The following CTNNA2 variants were observed in gnomAD, a reference collection of about 807,000 sequenced individuals.
The protein encoded by CTNNA2 is catenin alpha-2.
CTNNA2 carries 42 observed loss-of-function variants against 101.0 expected under a neutral mutation model. The observed-to-expected ratio is 0.42, with a 90% CI of 0.32 to 0.54. The LOEUF (loss-of-function observed/expected upper bound fraction) is 0.54. Among genes scored for constraint, CTNNA2 ranks in the 20% least tolerant of loss-of-function variants. CTNNA2 has a pLI of 0.14. For missense variants in CTNNA2, 871 were observed against 1,223.1 expected, an observed-to-expected ratio of 0.71 and a Z score of 4.29; for synonymous variants, 450 against 456.4, an observed-to-expected ratio of 0.99 and a Z score of 0.18.
chr2:79,472,051 G>C (rs1558675497), intron 4 of CTNNA2, among the ~76,000 whole-genome samples: 1 of 152,104 alleles, frequency 6.6e-6, no homozygotes, highest in East Asian at 1.9e-4. Context: ...TCAGATATGA[G>C]TGACACCCCA....
At chr2:80,546,086 T>C in intron 11 of CTNNA2, 23 bp downstream of exon 11, 1 of 1,611,970 alleles carries the variant, frequency 6.2e-7, no homozygotes, top group Non-Finnish European at 8.5e-7. Context: ...AACAGGTCCC[T>C]TACAAGGCAG....
intron 2 of CTNNA2, among the ~76,000 whole-genome samples, chr2:79,732,270 C>T (rs1412071934): frequency 1.3e-5 from 2 of 151,762 alleles, no homozygotes; most frequent in East Asian, 1.9e-4. Flanking sequence ...TGAGTTATTC[C>T]CAGGTCATTG....
chr2:80,390,560 A>T (rs189054778), intron 7 of CTNNA2, among the ~76,000 whole-genome samples: 4 of 152,310 alleles, frequency 2.6e-5, no homozygotes, highest in Non-Finnish European at 5.9e-5. Context: ...AATCTTGAAC[A>T]TGACTCTTTC....
intron 2 of CTNNA2, among the ~76,000 whole-genome samples, chr2:79,718,695 CA>C (rs1339378364): frequency 5.3e-5 from 8 of 152,032 alleles, no homozygotes; most frequent in African/African-American, 1.9e-4. Context: ...AAAGAGTAGC[CA>C]TCATATTTAT....
chr2:80,444,658 G>A (rs1682916450), intron 9 of CTNNA2, among the ~76,000 whole-genome samples: 2 of 152,300 alleles, frequency 1.3e-5, no homozygotes, highest in South Asian at 4.1e-4. Flanking sequence ...ATGAGGTCAT[G>A]AGGGTGGGGC....
At position 80,623,275 on chromosome 2, in the gene CTNNA2, A is replaced by G. The variant is rs540856449; in HGVS notation, c.2574+4047A>G. On this transcript the variant is annotated intron_variant, in intron 18 of 18. Coordinates refer to ENST00000402739, the MANE Select transcript of CTNNA2 (RefSeq NM_001282597.3). ...CATTCATAGAATTAGCATGGAAAAC[A>G]AGCACGTGAACTAGTAACTATGATG... 3.9e-5 allele frequency among the ~76,000 whole-genome samples: 6 copies of G among 151,984 alleles called. No individual in the cohort carries two copies. The South Asian group carries it at 1.0e-3, about 26-fold the overall frequency.
chr2:79,931,915 G>C (rs1383429734), intron 7 of CTNNA2, among the ~76,000 whole-genome samples: 1 of 152,176 alleles, frequency 6.6e-6, no homozygotes, highest in Non-Finnish European at 1.5e-5. Context: ...TCCTTACCCA[G>C]TCTTACTGCC....
intron 7 of CTNNA2, among the ~76,000 whole-genome samples, chr2:79,986,402 A>C (rs1691766246): frequency 6.6e-6 from 1 of 151,990 alleles, no homozygotes. Flanking sequence ...TGACATAGCA[A>C]TTGCTTTTTC....
rs1406889183 is a variant in CTNNA2, at chr2:79,557,793, A to G, written c.-6+44586A>G. On this transcript the variant is annotated intron_variant, in intron 1 of 18. Coordinates refer to ENST00000402739, the MANE Select transcript of CTNNA2 (RefSeq NM_001282597.3). ...AATTGGCTTCTCTGCAGATGTGTCT[A>G]CATAGGATTGGCTTCCTAAACTGGT... Among the ~76,000 whole-genome samples, 4 of 152,054 alleles carry G rather than the reference A, an allele frequency of 2.6e-5. No homozygotes were observed. The East Asian group carries it at 5.8e-4, about 22-fold the overall frequency.
At chr2:79,464,720 T>C (rs78873660) in intron 4 of CTNNA2, among the ~76,000 whole-genome samples, 53,343 of 152,110 alleles carry the variant, frequency 0.35, 9,662 homozygotes, top group East Asian at 0.59. Context: ...TGATTTGCAT[T>C]TCTTTGATGG....
intron 18 of CTNNA2, among the ~76,000 whole-genome samples, chr2:80,638,515 G>C (rs561741371): frequency 6.6e-6 from 1 of 152,280 alleles, no homozygotes; most frequent in South Asian, 2.1e-4. Context: ...GGACTACCTG[G>C]ATAAACAGGT....
chr2:80,643,739 T>G (rs1351813780), intron 18 of CTNNA2, among the ~76,000 whole-genome samples: 1 of 152,074 alleles, frequency 6.6e-6, no homozygotes, highest in Non-Finnish European at 1.5e-5. Flanking sequence ...TAAATGTGCT[T>G]CAGAATAATG....
At chr2:79,725,345 T>A (rs1686767363) in intron 2 of CTNNA2, among the ~76,000 whole-genome samples, 1 of 152,222 alleles carries the variant, frequency 6.6e-6, no homozygotes, top group African/African-American at 2.4e-5. Context: ...ATTCATTGAA[T>A]GTTACTTCCC....
chr2:80,122,749 G>T (rs1701909570), intron 7 of CTNNA2, among the ~76,000 whole-genome samples: 1 of 152,134 alleles, frequency 6.6e-6, no homozygotes, highest in African/African-American at 2.4e-5. Context: ...AAGTGTGTGT[G>T]TGCGCATGTG....
chr2:80,299,281 T>G (rs986377495), intron 7 of CTNNA2: 1 of 152,164 alleles, frequency 6.6e-6, no homozygotes, highest in Non-Finnish European at 1.5e-5. Context: ...GCTTAAAGAT[T>G]AATTAATTTG....
At chr2:79,436,554 CA>C (rs1426813201) in intron 4 of CTNNA2, among the ~76,000 whole-genome samples, 1 of 152,116 alleles carries the variant, frequency 6.6e-6, no homozygotes, top group Non-Finnish European at 1.5e-5. Flanking sequence ...GGCAGATTTT[CA>C]AAATCTCCTC....
At chr2:79,348,760 A>C (rs1420377664) in intron 3 of CTNNA2, among the ~76,000 whole-genome samples, 2 of 152,224 alleles carry the variant, frequency 1.3e-5, no homozygotes, top group Admixed American at 1.3e-4. Context: ...ATTTGCCTCC[A>C]TCTTCCCCTT....
intron 7 of CTNNA2, among the ~76,000 whole-genome samples, chr2:79,938,750 C>T (rs1687953642): frequency 6.6e-6 from 1 of 152,044 alleles, no homozygotes; most frequent in Admixed American, 6.6e-5. Context: ...CTTTAGGGCA[C>T]AATGTGTAGT....
At chr2:79,931,018 AT>A (rs375733775) in intron 7 of CTNNA2, among the ~76,000 whole-genome samples, 2,788 of 152,028 alleles carry the variant, frequency 0.018, 109 homozygotes, top group African/African-American at 0.064. Context: ...ATAATATATG[AT>A]TTTTTTTATA....
Sources: gnomAD v4.1 joint callset for allele counts (sites outside exome capture counted in the v4.1 genomes callset) on GRCh38, gnomAD v4.1.1 for gene constraint, MANE v1.5 for transcripts, NCBI Gene and HGNC (gene_info 2026-07-23, HGNC 2026-07-21) for gene names.